The following WWC2 variants were observed in gnomAD, a reference collection of about 807,000 sequenced individuals.
The protein encoded by WWC2 is WW and C2 domain containing 2, also known as protein WWC2.
A neutral mutation model predicts 138.5 loss-of-function variants in WWC2; 101 were observed. The ratio of observed to expected loss-of-function variants is 0.73; its 90% CI spans 0.62 to 0.86. The LOEUF (loss-of-function observed/expected upper bound fraction) is 0.86, where lower values mean the gene tolerates loss of function less well. Ranked by LOEUF, WWC2 falls within the 40% of genes least tolerant of loss-of-function variation. The pLI is 0.00. For synonymous variants in WWC2, 558 were observed against 538.4 expected, an observed-to-expected ratio of 1.04 and a Z score of -0.50; for missense variants, 1,420 against 1,419.4, an observed-to-expected ratio of 1.00 and a Z score of -0.01.
intron 1 of WWC2, among the ~76,000 whole-genome samples, chr4:183,144,533 T>C (rs1733394222): frequency 6.6e-6 from 1 of 152,190 alleles, no homozygotes; most frequent in African/African-American, 2.4e-5. Flanking sequence ...GAAAACTGCT[T>C]GGCATTTCAT....
chr4:183,269,599 G>A (rs1009232383), intron 15 of WWC2: 1 of 441,066 alleles, frequency 2.3e-6, no homozygotes, highest in African/African-American at 2.0e-5. Flanking sequence ...GAGCTGCTTA[G>A]AGAGGTAATA....
chr4:183,140,288 T>C (rs1454185064), intron 1 of WWC2, among the ~76,000 whole-genome samples: 1 of 152,250 alleles, frequency 6.6e-6, no homozygotes, highest in Non-Finnish European at 1.5e-5. Context: ...GAGTACATTG[T>C]AAACTGTGAC....
At chr4:183,223,641 G>C (rs1029236191) in intron 4 of WWC2, among the ~76,000 whole-genome samples, 3 of 152,042 alleles carry the variant, frequency 2.0e-5, no homozygotes, top group African/African-American at 4.8e-5. Flanking sequence ...TGGCTTTTTT[G>C]AATCAGGGTG....
chr4:183,315,538 A>G, intron 22 of WWC2, 125 bp from the exon 23 acceptor site: 1 of 636,322 alleles, frequency 1.6e-6, no homozygotes. Flanking sequence ...CTGCGTAAGG[A>G]AAAGAGCTTC....
chr4:183,239,607 A>T (rs550962329), intron 4 of WWC2, among the ~76,000 whole-genome samples: 1 of 152,240 alleles, frequency 6.6e-6, no homozygotes, highest in African/African-American at 2.4e-5. Flanking sequence ...TTTCCCACGG[A>T]GGACAGACAG....
chr4:183,191,617 A>G (rs1734995497), intron 1 of WWC2, among the ~76,000 whole-genome samples: 1 of 152,156 alleles, frequency 6.6e-6, no homozygotes, highest in South Asian at 2.1e-4. Flanking sequence ...TGGTTCCCGC[A>G]CTTTAGTGTG....
intron 4 of WWC2, among the ~76,000 whole-genome samples, chr4:183,236,851 G>T (rs1736440254): frequency 6.6e-6 from 1 of 152,088 alleles, no homozygotes; most frequent in Non-Finnish European, 1.5e-5. Flanking sequence ...GGGTAGTATG[G>T]ACATTTTAAT....
intron 1 of WWC2, among the ~76,000 whole-genome samples, chr4:183,162,395 C>A (rs898824151): frequency 2.0e-5 from 3 of 152,186 alleles, no homozygotes; most frequent in Non-Finnish European, 4.4e-5. Flanking sequence ...CATATTTCAG[C>A]TTGCAAGGTA....
chr4:183,212,082 A>G (rs956765898), intron 4 of WWC2, among the ~76,000 whole-genome samples: 1 of 152,082 alleles, frequency 6.6e-6, no homozygotes, highest in Non-Finnish European at 1.5e-5. Context: ...CAGCCTCCCA[A>G]AGTGCTGGGA....
intron 6 of WWC2, among the ~76,000 whole-genome samples, chr4:183,247,673 ATATGTACTATATT>A (rs1441325586): frequency 1.5e-5 from 2 of 136,740 alleles, no homozygotes; most frequent in African/African-American, 5.8e-5. Context: ...ACTATATATT[ATATGTACTATATT>A]CTATATACTA....
chr4:183,226,490 AT>A (rs1458513345), intron 4 of WWC2, among the ~76,000 whole-genome samples: 1 of 152,074 alleles, frequency 6.6e-6, no homozygotes, highest in Non-Finnish European at 1.5e-5. Context: ...TTAGTAGGGA[AT>A]TTATATAGGC....
chr4:183,115,863 T>A (rs1235082266), intron 1 of WWC2, among the ~76,000 whole-genome samples: 1 of 152,092 alleles, frequency 6.6e-6, no homozygotes, highest in Non-Finnish European at 1.5e-5. Context: ...ATTTGTTGGT[T>A]TTCTTTTTTG....
chr4:183,255,877 C>CTT (rs551883972), intron 9 of WWC2, among the ~76,000 whole-genome samples: 13 of 140,752 alleles, frequency 9.2e-5, no homozygotes, highest in Admixed American at 5.7e-4. Flanking sequence ...GCTTTTTTTC[C>CTT]TTTTTTTTTT....
At chr4:183,170,509 A>G (rs1734246905) in intron 1 of WWC2, among the ~76,000 whole-genome samples, 1 of 152,084 alleles carries the variant, frequency 6.6e-6, no homozygotes, top group South Asian at 2.1e-4. Flanking sequence ...CAGGCTTGGG[A>G]ACATGTATTG....
chr4:183,312,430 G>A lies in WWC2; in HGVS notation c.3474G>A (p.Glu1158=). 1 of 1,613,876 alleles carries A rather than the reference G, an allele frequency of 6.2e-7. No homozygotes were observed. The highest frequency in any genetic ancestry group is 8.5e-7 in the Non-Finnish European group (1 of 1,179,786). The change falls in exon 22 of 23, where the codon GAG becomes GAA. Residue 1158 remains glutamate, a synonymous_variant. Coordinates refer to ENST00000403733, the MANE Select transcript of WWC2 (RefSeq NM_024949.6). ...QVSKDVCRLR[E]QSQKVPRQVQ... is the part of the protein sequence containing the mutation. ...CCAAGGACGTGTGTCGGCTCCGGGA[G>A]CAGAGCCAGAAGGTGCCTCGGCAGG...
chr4:183,218,827 A>G (rs958417665), intron 4 of WWC2, among the ~76,000 whole-genome samples: 16 of 152,218 alleles, frequency 1.1e-4, no homozygotes, highest in Non-Finnish European at 2.2e-4. Context: ...GATGAGGTAT[A>G]TTCACATTAT....
At chr4:183,113,483 T>C (rs1732305563) in intron 1 of WWC2, among the ~76,000 whole-genome samples, 2 of 6,418 alleles carry the variant, frequency 3.1e-4, no homozygotes, top group South Asian at 0.022. Flanking sequence ...GTGGGGCCTG[T>C]GTGTGTGTGT....
intron 21 of WWC2, among the ~76,000 whole-genome samples, chr4:183,297,122 A>ACACCAC: frequency 6.6e-6 from 1 of 151,858 alleles, no homozygotes; most frequent in South Asian, 2.1e-4. Flanking sequence ...CCACAGGCAG[A>ACACCAC]CACCACCACA....
intron 1 of WWC2, among the ~76,000 whole-genome samples, chr4:183,190,320 C>T (rs1386876213): frequency 6.6e-6 from 1 of 152,060 alleles, no homozygotes; most frequent in Non-Finnish European, 1.5e-5. Flanking sequence ...TTAACATTTC[C>T]GTTCACTGTA....
Sources: gnomAD v4.1 joint callset for allele counts (sites outside exome capture counted in the v4.1 genomes callset) on GRCh38, gnomAD v4.1.1 for gene constraint, MANE v1.5 for transcripts, NCBI Gene and HGNC (gene_info 2026-07-23, HGNC 2026-07-21) for gene names.